SORCS1: variants seen among roughly 807,000 people sequenced by gnomAD.
SORCS1 encodes the protein sortilin related VPS10 domain containing receptor 1, also known as VPS10 domain-containing receptor SorCS1.
Under a neutral mutation model 146.1 loss-of-function variants are expected in SORCS1, and 60 were observed. The observed-to-expected ratio is 0.41, with a 90% CI of 0.33 to 0.51. The LOEUF is 0.51. Among genes scored for constraint, SORCS1 ranks in the 20% least tolerant of loss-of-function variants. The pLI, the probability that SORCS1 is intolerant of heterozygous loss-of-function variation, is 0.21. For missense variants in SORCS1, 1,352 were observed against 1,487.6 expected (o/e 0.91, Z 1.50); for synonymous variants, 637 against 584.0 (o/e 1.09, Z -1.31).
chr10:106,909,702 A>T (rs866978196), intron 2 of SORCS1, among the ~76,000 whole-genome samples: 1 of 152,306 alleles, frequency 6.6e-6, no homozygotes. Context: ...TTAATTTTTT[A>T]AATTATTTTT....
At chr10:107,157,823 C>G (rs150965739) in intron 1 of SORCS1, among the ~76,000 whole-genome samples, 2 of 152,176 alleles carry the variant, frequency 1.3e-5, no homozygotes, top group African/African-American at 2.4e-5. Context: ...TTTTATGGAG[C>G]CTGGCCTCAC....
chr10:106,945,735 G>A (rs1025129376), intron 2 of SORCS1, among the ~76,000 whole-genome samples: 2 of 152,186 alleles, frequency 1.3e-5, no homozygotes, highest in Non-Finnish European at 2.9e-5. Flanking sequence ...TTTGCTTTCT[G>A]TGTATTTCAT....
At chr10:106,732,293 T>A (rs1856653997) in intron 5 of SORCS1, among the ~76,000 whole-genome samples, 1 of 152,192 alleles carries the variant, frequency 6.6e-6, no homozygotes, top group Non-Finnish European at 1.5e-5. Context: ...ATCACTGGAA[T>A]CTGCTTGAAT....
chr10:106,612,341 C>T (rs1488441786), intron 21 of SORCS1, among the ~76,000 whole-genome samples: 1 of 141,656 alleles, frequency 7.1e-6, no homozygotes, highest in Non-Finnish European at 1.5e-5. Flanking sequence ...CCCTGGCCCC[C>T]CTTCCCCCCT....
intron 5 of SORCS1, among the ~76,000 whole-genome samples, chr10:106,736,148 A>T (rs963544344): frequency 6.6e-6 from 1 of 152,258 alleles, no homozygotes; most frequent in African/African-American, 2.4e-5. Context: ...CATTTTCTAC[A>T]GAGAAACTCA....
intron 1 of SORCS1, among the ~76,000 whole-genome samples, chr10:107,116,217 A>G (rs1966028487): frequency 2.6e-5 from 4 of 152,108 alleles, no homozygotes; most frequent in Admixed American, 2.6e-4. Context: ...CTCTTAAAAA[A>G]TTAAAAGTAG....
intron 2 of SORCS1, among the ~76,000 whole-genome samples, chr10:106,891,838 T>C (rs1237469533): frequency 6.6e-6 from 1 of 152,180 alleles, no homozygotes; most frequent in Non-Finnish European, 1.5e-5. Context: ...TAACAGGCTG[T>C]AGTTTTGACA....
chr10:106,898,531 C>A (rs572459727), intron 2 of SORCS1, among the ~76,000 whole-genome samples: 14 of 152,304 alleles, frequency 9.2e-5, no homozygotes, highest in African/African-American at 3.4e-4. Flanking sequence ...AACCTCCCAG[C>A]ATCAAACAAA....
chr10:106,889,561 A>G (rs1434692412), intron 2 of SORCS1, among the ~76,000 whole-genome samples: 1 of 152,124 alleles, frequency 6.6e-6, no homozygotes, highest in Non-Finnish European at 1.5e-5. Context: ...CAGGAGATCA[A>G]GAGCAACCTG....
At position 107,163,113 on chromosome 10, in the gene SORCS1, C is replaced by G. The variant is rs1590281034; in HGVS notation, c.558+856G>C. ...AAAACCTTTCCTGATAGGACCAAAGCTCATGGACTTGCATCCTAAGTCCCC... is the reference window on the plus strand; with the variant it reads ...AAAACCTTTCCTGATAGGACCAAAGGTCATGGACTTGCATCCTAAGTCCCC... On this transcript the variant is annotated intron_variant, in intron 1 of 25. Coordinates refer to ENST00000263054, the MANE Select transcript of SORCS1 (RefSeq NM_052918.5). 2.6e-5 allele frequency among the ~76,000 whole-genome samples: 4 copies of G among 152,342 alleles called. No individual in the cohort carries two copies. In the East Asian group the frequency reaches 7.7e-4, roughly 29 times the overall value.
chr10:106,923,265 G>A (rs932285150), intron 2 of SORCS1, among the ~76,000 whole-genome samples: 12 of 152,182 alleles, frequency 7.9e-5, no homozygotes, highest in Non-Finnish European at 2.9e-5. Context: ...AGATAATGCA[G>A]CCCTTTCAGA....
At chr10:106,905,152 G>A (rs1248804007) in intron 2 of SORCS1, among the ~76,000 whole-genome samples, 1 of 152,060 alleles carries the variant, frequency 6.6e-6, no homozygotes, top group Non-Finnish European at 1.5e-5. Flanking sequence ...AGAAAAGGTT[G>A]ATTTAGAGAA....
In SORCS1 at chr10:106,726,852, C is replaced by T. The variant is rs558295199; in HGVS notation, c.1024+3198G>A. ...CTATAATCCCAGCACTTTGGGAGGC[C>T]GAGACGGGCGGATCACGAGGTGAGG... On this transcript the variant is annotated intron_variant, in intron 6 of 25. Transcript: ENST00000263054. 4.6e-4 allele frequency among the ~76,000 whole-genome samples: 70 copies of T among 152,044 alleles called. 1 individual carries two copies. Among genetic ancestry groups the T allele is most frequent in the African/African-American group, 1.5e-3 (64 of 41,484 alleles).
chr10:107,002,117 C>A (rs1957247236), intron 1 of SORCS1, among the ~76,000 whole-genome samples: 2 of 152,130 alleles, frequency 1.3e-5, no homozygotes, highest in Admixed American at 6.5e-5. Context: ...CGGCCCTGAG[C>A]AAATTAAAAA....
intron 6 of SORCS1, among the ~76,000 whole-genome samples, chr10:106,714,135 CAAAAA>C (rs56275056): frequency 3.0e-4 from 16 of 53,092 alleles, no homozygotes; most frequent in Middle Eastern, 0.036. Context: ...AACTCTGCCT[CAAAAA>C]AAAAAAAAAA....
chr10:106,970,253 T>C (rs1955707009), intron 1 of SORCS1: 1 of 151,606 alleles, frequency 6.6e-6, no homozygotes, highest in South Asian at 2.1e-4. Context: ...GTAGGTACTA[T>C]TGTCATTGTT....
chr10:107,144,063 G>A (rs919895331), intron 1 of SORCS1, among the ~76,000 whole-genome samples: 1 of 151,952 alleles, frequency 6.6e-6, no homozygotes, highest in Non-Finnish European at 1.5e-5. Context: ...TTTGTGCTCT[G>A]AGGGGCCACA....
At chr10:106,656,347 G>A (rs555516916) in intron 17 of SORCS1, among the ~76,000 whole-genome samples, 1 of 152,176 alleles carries the variant, frequency 6.6e-6, no homozygotes, top group South Asian at 2.1e-4. Context: ...TCAGGAGATC[G>A]AGACCATCCT....
intron 1 of SORCS1, among the ~76,000 whole-genome samples, chr10:107,007,285 C>T (rs1340100476): frequency 1.3e-5 from 2 of 152,162 alleles, no homozygotes; most frequent in Non-Finnish European, 2.9e-5. Flanking sequence ...GACAATAGAC[C>T]ACAGTAGGAG....
Sources: gnomAD v4.1 joint callset for allele counts (sites outside exome capture counted in the v4.1 genomes callset) on GRCh38, gnomAD v4.1.1 for gene constraint, MANE v1.5 for transcripts, NCBI Gene and HGNC (gene_info 2026-07-23, HGNC 2026-07-21) for gene names.